ZMIZ1: variants seen among roughly 807,000 people sequenced by gnomAD.
ZMIZ1 encodes zinc finger MIZ-type containing 1.
ZMIZ1 carries 17 observed loss-of-function variants against 113.9 expected under a neutral mutation model. The ratio of observed to expected loss-of-function variants is 0.15; its 90% CI spans 0.10 to 0.22. The LOEUF (loss-of-function observed/expected upper bound fraction) is 0.22. Among genes scored for constraint, ZMIZ1 ranks in the 10% least tolerant of loss-of-function variants. The probability of loss-of-function intolerance (pLI) is 1.00; values close to 1 mark genes in which losing one functional copy is unlikely to be tolerated. For missense variants in ZMIZ1, 1,059 were observed against 1,477.8 expected (o/e 0.72, Z 4.65); for synonymous variants, 607 against 603.1 (o/e 1.01, Z -0.09).
intron 18 of ZMIZ1, among the ~76,000 whole-genome samples, chr10:79,302,809 T>C (rs1854404691): frequency 6.8e-6 from 1 of 147,308 alleles, no homozygotes; most frequent in Non-Finnish European, 1.5e-5. Context: ...TTCTCCTGCC[T>C]CAGCCTCCCA....
intron 7 of ZMIZ1, among the ~76,000 whole-genome samples, chr10:79,268,791 G>T (rs1222962969): frequency 6.6e-6 from 1 of 152,186 alleles, no homozygotes; most frequent in Non-Finnish European, 1.5e-5. Context: ...CAGAATGCAT[G>T]GGTGGAAGAA....
At chr10:79,096,749 A>G (rs1308004477) in intron 1 of ZMIZ1, among the ~76,000 whole-genome samples, 4 of 152,148 alleles carry the variant, frequency 2.6e-5, no homozygotes, top group Admixed American at 6.5e-5. Flanking sequence ...GAATAGGACA[A>G]TGGCCAGAAC....
intron 1 of ZMIZ1, among the ~76,000 whole-genome samples, chr10:79,085,093 T>G (rs1385506013): frequency 6.6e-6 from 1 of 152,094 alleles, no homozygotes. Context: ...GGGCCACAGG[T>G]CCTGTGGTGG....
At chr10:79,191,841 C>T (rs538631425) in intron 4 of ZMIZ1, among the ~76,000 whole-genome samples, 2 of 152,334 alleles carry the variant, frequency 1.3e-5, no homozygotes, top group Admixed American at 1.3e-4. Context: ...CTGTAGTAGC[C>T]TCTGTTTCTT....
At chr10:79,194,074 C>G (rs900767100) in intron 4 of ZMIZ1, among the ~76,000 whole-genome samples, 1 of 152,212 alleles carries the variant, frequency 6.6e-6, no homozygotes, top group Admixed American at 6.5e-5. Context: ...AGCCTCTGCT[C>G]GCGGGCTGTA....
intron 4 of ZMIZ1, among the ~76,000 whole-genome samples, chr10:79,189,948 C>T (rs186047229): frequency 1.3e-5 from 2 of 152,326 alleles, no homozygotes; most frequent in Non-Finnish European, 2.9e-5. Context: ...AAATGAAGAT[C>T]GGGCTAGACC....
At chr10:79,107,901 C>T (rs1843614571) in intron 1 of ZMIZ1, among the ~76,000 whole-genome samples, 1 of 152,174 alleles carries the variant, frequency 6.6e-6, no homozygotes, top group Non-Finnish European at 1.5e-5. Context: ...AGAGTCCTGC[C>T]TGAGGGCCCT....
intron 7 of ZMIZ1, among the ~76,000 whole-genome samples, chr10:79,247,236 C>T (rs1266705838): frequency 1.3e-5 from 2 of 152,218 alleles, no homozygotes; most frequent in East Asian, 3.9e-4. Context: ...CCTTTGGCGA[C>T]ACTCTCAGGT....
chr10:79,087,919 A>G (rs2132214351), intron 1 of ZMIZ1, among the ~76,000 whole-genome samples: 1 of 152,324 alleles, frequency 6.6e-6, no homozygotes, highest in East Asian at 1.9e-4. Flanking sequence ...GCTTGGCAGG[A>G]TCGCAGCTAC....
chr10:79,146,960 GTGTGTGTGTGTGTA>G (rs1845516685), intron 3 of ZMIZ1, among the ~76,000 whole-genome samples: 1 of 131,750 alleles, frequency 7.6e-6, no homozygotes, highest in South Asian at 2.6e-4. Flanking sequence ...GTGTGTGTGT[GTGTGTGTGTGTGTA>G]TATCCCTGTC....
In ZMIZ1 at chr10:79,305,158, C is replaced by T. The variant is rs748820704; in HGVS notation, c.2287-6C>T. The T allele has an allele frequency of 2.5e-6, 4 of 1,614,176 alleles. No individual in the cohort carries two copies. Among genetic ancestry groups the T allele is most frequent in the Non-Finnish European group, 3.4e-6 (4 of 1,180,028 alleles). ...GTCTCACCTGTGTCTGTCTGTCTGT[C>T]TGCAGTGCTTTGATCTGGAGTCATA... On this transcript the variant is annotated splice_region_variant and splice_polypyrimidine_tract_variant and intron_variant, in intron 19 of 24. Coordinates refer to ENST00000334512, the MANE Select transcript of ZMIZ1 (RefSeq NM_020338.4).
intron 7 of ZMIZ1, among the ~76,000 whole-genome samples, chr10:79,257,149 C>T (rs1850964850): frequency 6.6e-6 from 1 of 152,226 alleles, no homozygotes; most frequent in Non-Finnish European, 1.5e-5. Flanking sequence ...ATTCACATGT[C>T]AACTCCGCTC....
intron 22 of ZMIZ1, among the ~76,000 whole-genome samples, chr10:79,306,953 T>C (rs1010268642): frequency 3.9e-5 from 6 of 152,238 alleles, no homozygotes; most frequent in African/African-American, 1.2e-4. Flanking sequence ...GAGGGCACAG[T>C]GACCAGGGAG....
chr10:79,241,585 G>A (rs865831273), intron 7 of ZMIZ1, among the ~76,000 whole-genome samples: 1 of 152,142 alleles, frequency 6.6e-6, no homozygotes, highest in Middle Eastern at 3.4e-3. Context: ...TATGAAGTAC[G>A]AATTAATCCA....
chr10:79,142,819 C>A (rs1845329592), intron 3 of ZMIZ1, among the ~76,000 whole-genome samples: 1 of 152,224 alleles, frequency 6.6e-6, no homozygotes, highest in Non-Finnish European at 1.5e-5. Flanking sequence ...GGCTCCTCCC[C>A]CTTGTCCAAA....
At chr10:79,167,164 A>T (rs893179966) in intron 4 of ZMIZ1, among the ~76,000 whole-genome samples, 1 of 152,154 alleles carries the variant, frequency 6.6e-6, no homozygotes, top group Non-Finnish European at 1.5e-5. Context: ...AGGCCTCCTA[A>T]ATCCAGAGCC....
At chr10:79,177,595 C>T (rs571212722) in intron 4 of ZMIZ1, among the ~76,000 whole-genome samples, 80 of 152,362 alleles carry the variant, frequency 5.3e-4, no homozygotes, top group Non-Finnish European at 9.4e-4. Context: ...CTGCCTCCTG[C>T]CCCGGGATGT....
chr10:79,299,280 G>T, intron 16 of ZMIZ1, 89 bp downstream of exon 16: 2 of 1,499,882 alleles, frequency 1.3e-6, no homozygotes, highest in South Asian at 2.6e-5. Flanking sequence ...GCCCTGGGCA[G>T]GGGGTAGCAG....
At chr10:79,275,625 C>T (rs1852239129) in intron 7 of ZMIZ1, among the ~76,000 whole-genome samples, 1 of 152,172 alleles carries the variant, frequency 6.6e-6, no homozygotes, top group Non-Finnish European at 1.5e-5. Context: ...GTACAAGAGG[C>T]CTGAGGGGTT....
Sources: gnomAD v4.1 joint callset for allele counts (sites outside exome capture counted in the v4.1 genomes callset) on GRCh38, gnomAD v4.1.1 for gene constraint, MANE v1.5 for transcripts, NCBI Gene and HGNC (gene_info 2026-07-23, HGNC 2026-07-21) for gene names.